Variants in NKAIN2 observed in about 807,000 individuals in gnomAD.
The protein encoded by NKAIN2 is sodium/potassium transporting ATPase interacting 2.
In NKAIN2, 14 loss-of-function variants were observed where a neutral mutation model predicts 32.6. That is an observed-to-expected ratio of 0.43 (90% confidence interval 0.28 to 0.67). The LOEUF is 0.67. Among genes scored for constraint, NKAIN2 ranks in the 30% least tolerant of loss-of-function variants. NKAIN2 has a pLI of 0.17. For synonymous variants in NKAIN2, 80 were observed against 87.2 expected (o/e 0.92, Z 0.46); for missense variants, 198 against 258.3 (o/e 0.77, Z 1.60).
chr6:124,177,312 A>G (rs1789208878), intron 1 of NKAIN2, among the ~76,000 whole-genome samples: 1 of 152,228 alleles, frequency 6.6e-6, no homozygotes, highest in Non-Finnish European at 1.5e-5. Context: ...TAAGGGGAAA[A>G]CAGATACTTG....
chr6:124,438,854 C>T (rs1341140190), intron 3 of NKAIN2, among the ~76,000 whole-genome samples: 1 of 152,102 alleles, frequency 6.6e-6, no homozygotes, highest in East Asian at 1.9e-4. Flanking sequence ...TCTGTTTTTC[C>T]TCTGTAAATG....
At chr6:124,532,500 A>G (rs535488684) in intron 3 of NKAIN2, among the ~76,000 whole-genome samples, 2 of 152,156 alleles carry the variant, frequency 1.3e-5, no homozygotes, top group Non-Finnish European at 2.9e-5. Context: ...ACAGTGGGGG[A>G]AGTACCATCC....
intron 2 of NKAIN2, among the ~76,000 whole-genome samples, chr6:124,342,250 T>C (rs950692205): frequency 6.9e-6 from 1 of 145,622 alleles, no homozygotes; most frequent in African/African-American, 2.6e-5. Flanking sequence ...AAAAAAAAAA[T>C]ACAAAAAAAT....
intron 4 of NKAIN2, among the ~76,000 whole-genome samples, chr6:124,717,091 G>A (rs892640978): frequency 1.3e-5 from 2 of 152,206 alleles, no homozygotes; most frequent in African/African-American, 4.8e-5. Context: ...CAGAACTACA[G>A]TACACACAAC....
intron 3 of NKAIN2, among the ~76,000 whole-genome samples, chr6:124,382,066 G>A (rs1487043380): frequency 6.6e-6 from 1 of 152,012 alleles, no homozygotes; most frequent in Non-Finnish European, 1.5e-5. Flanking sequence ...TTTAGGAACA[G>A]TATTTCTTTT....
intron 4 of NKAIN2, among the ~76,000 whole-genome samples, chr6:124,748,057 G>A (rs572779169): frequency 6.6e-6 from 1 of 151,928 alleles, no homozygotes; most frequent in East Asian, 2.0e-4. Flanking sequence ...CACACTTTGT[G>A]GTTATTATAT....
At chr6:124,687,757 C>T (rs1366948953) in intron 4 of NKAIN2, among the ~76,000 whole-genome samples, 1 of 141,844 alleles carries the variant, frequency 7.1e-6, no homozygotes, top group East Asian at 2.0e-4. Context: ...CACACACACA[C>T]ACACACACAC....
chr6:123,826,365 A>G lies in NKAIN2; in HGVS notation c.54+22111A>G, dbSNP rs116304965. Among the ~76,000 whole-genome samples the G allele has an allele frequency of 7.3e-3, 1,105 of 152,326 alleles. 11 individuals are homozygous for G. Among genetic ancestry groups the G allele is most frequent in the African/African-American group, 0.026 (1,064 of 41,566 alleles). On this transcript the variant is annotated intron_variant, in intron 1 of 6. Transcript: ENST00000368417. ...TTTTTTAAATTGTTGTAAATCATACATAACAAAATTTACTATTTTAACCAT... is the reference window on the plus strand; with the variant it reads ...TTTTTTAAATTGTTGTAAATCATACGTAACAAAATTTACTATTTTAACCAT...
rs117821765 is a variant in NKAIN2, at chr6:123,831,341, G to A, written c.54+27087G>A. 5.8e-3 allele frequency among the ~76,000 whole-genome samples: 881 copies of A among 151,426 alleles called. 5 individuals are homozygous for A. Among genetic ancestry groups the A allele is most frequent in the Non-Finnish European group, 9.8e-3 (667 of 67,868 alleles). ...TGAAAATAGTATGTATGCATATTGT[G>A]TAATATTTAAATCTTTTATATAGCC... On this transcript the variant is annotated intron_variant, in intron 1 of 6. Coordinates refer to ENST00000368417, the MANE Select transcript of NKAIN2 (RefSeq NM_001040214.3).
rs757754825 is a variant in NKAIN2 at position 124,040,554 on chromosome 6, C to T, written c.54+236300C>T. Among the ~76,000 whole-genome samples, 10 of 151,718 alleles carry T rather than the reference C, an allele frequency of 6.6e-5. 1 individual carries two copies. Among genetic ancestry groups the T allele is most frequent in the Non-Finnish European group, 1.0e-4 (7 of 67,906 alleles). On this transcript the variant is annotated intron_variant, in intron 1 of 6. Coordinates refer to ENST00000368417, the MANE Select transcript of NKAIN2 (RefSeq NM_001040214.3). ...TTAATTTTTGTTGTTTTTATTAGTT[C>T]CTGGTTTGTTATTATTTATTATTAT...
intron 2 of NKAIN2, among the ~76,000 whole-genome samples, chr6:124,292,823 AT>A (rs1186902800): frequency 4.6e-5 from 7 of 151,934 alleles, no homozygotes; most frequent in South Asian, 2.1e-4. Context: ...GTTTTAATTT[AT>A]TTTTTTACTA....
intron 2 of NKAIN2, among the ~76,000 whole-genome samples, chr6:124,325,625 T>C (rs1401276732): frequency 6.6e-6 from 1 of 151,988 alleles, no homozygotes; most frequent in East Asian, 1.9e-4. Flanking sequence ...TTATGTGGAG[T>C]GATAGAAGCC....
intron 1 of NKAIN2, among the ~76,000 whole-genome samples, chr6:123,838,934 G>A (rs557946828): frequency 1.3e-5 from 2 of 152,060 alleles, no homozygotes; most frequent in African/African-American, 2.4e-5. Flanking sequence ...GTGTTTTCTC[G>A]CATATGGATA....
At chr6:124,307,248 A>G (rs548962571) in intron 2 of NKAIN2, among the ~76,000 whole-genome samples, 49 of 152,314 alleles carry the variant, frequency 3.2e-4, no homozygotes, top group African/African-American at 1.1e-3. Flanking sequence ...TAGCCAACAG[A>G]TATTTTAACA....
At chr6:124,248,863 G>A (rs1390790525) in intron 1 of NKAIN2, among the ~76,000 whole-genome samples, 2 of 152,052 alleles carry the variant, frequency 1.3e-5, no homozygotes, top group Non-Finnish European at 2.9e-5. Context: ...CACAGGATAA[G>A]GAAAGGGCAA....
chr6:123,900,980 A>G (rs1774556512), intron 1 of NKAIN2, among the ~76,000 whole-genome samples: 1 of 152,162 alleles, frequency 6.6e-6, no homozygotes, highest in African/African-American at 2.4e-5. Flanking sequence ...AGGAATAAAG[A>G]GCAGTTGAGA....
chr6:124,611,426 A>T (rs942976950), intron 3 of NKAIN2, among the ~76,000 whole-genome samples: 3 of 152,178 alleles, frequency 2.0e-5, no homozygotes, highest in African/African-American at 7.2e-5. Flanking sequence ...TTTGTTACAT[A>T]GGTATACATG....
intron 1 of NKAIN2, among the ~76,000 whole-genome samples, chr6:123,917,765 C>T (rs1200318854): frequency 6.6e-6 from 1 of 152,106 alleles, no homozygotes; most frequent in African/African-American, 2.4e-5. Context: ...GAACACATTA[C>T]AGGAAGATTT....
chr6:123,904,162 C>T (rs532625045), intron 1 of NKAIN2, among the ~76,000 whole-genome samples: 10 of 151,338 alleles, frequency 6.6e-5, no homozygotes, highest in East Asian at 3.9e-4. Flanking sequence ...ACCTGGGAGG[C>T]GGAGGTTGTG....
Sources: allele counts gnomAD v4.1 joint callset (sites outside exome capture counted in the v4.1 genomes callset), GRCh38; gene constraint gnomAD v4.1.1; transcripts MANE v1.5; gene names NCBI Gene and HGNC (gene_info 2026-07-23, HGNC 2026-07-21).